SNX29: variants seen among roughly 807,000 people sequenced by gnomAD.
SNX29 encodes sorting nexin 29, also known as sorting nexin-29.
SNX29 carries 78 observed loss-of-function variants against 102.1 expected under a neutral mutation model. The ratio of observed to expected loss-of-function variants is 0.76; its 90% CI spans 0.64 to 0.92. The LOEUF (loss-of-function observed/expected upper bound fraction) is 0.92. Ranked by LOEUF, SNX29 falls within the 40% of genes least tolerant of loss-of-function variation. The pLI, the probability that SNX29 is intolerant of heterozygous loss-of-function variation, is 0.00. For synonymous variants in SNX29, 580 were observed against 414.5 expected (o/e 1.40, Z -4.85); for missense variants, 1,280 against 1,061.7 (o/e 1.21, Z -2.86).
At chr16:12,158,544 G>A (rs937964) in intron 13 of SNX29, among the ~76,000 whole-genome samples, 142,874 of 152,312 alleles carry the variant, frequency 0.94, 67,189 homozygotes, top group East Asian at 1. Flanking sequence ...TCCTGCTTGA[G>A]CATTCTCACA....
At chr16:12,413,348 A>T (rs1466124926) in intron 18 of SNX29, among the ~76,000 whole-genome samples, 1 of 152,050 alleles carries the variant, frequency 6.6e-6, no homozygotes, top group Non-Finnish European at 1.5e-5. Context: ...CTTCCTGGAA[A>T]TGAAAGTGCT....
At chr16:12,568,052 A>G (rs1028597817) in intron 20 of SNX29, among the ~76,000 whole-genome samples, 4 of 152,066 alleles carry the variant, frequency 2.6e-5, no homozygotes, top group Non-Finnish European at 5.9e-5. Flanking sequence ...GGGCCTGATT[A>G]TTTTCTTAGG....
Position 12,065,976 on chromosome 16 carries a change from G to A in SNX29, c.1244-3081G>A, listed in dbSNP as rs187322550. On this transcript the variant is annotated intron_variant, in intron 9 of 20. Coordinates refer to ENST00000566228, the MANE Select transcript of SNX29 (RefSeq NM_032167.5). ...TCTTGGGGGCCTTAAGGATGAGACG[G>A]TCTATGCTGTGTGCACCCCAGAGCG... Among the ~76,000 whole-genome samples the A allele has an allele frequency of 3.0e-4, 46 of 152,272 alleles. No individual in the cohort carries two copies. The East Asian group carries it at 8.7e-3, about 29-fold the overall frequency.
At chr16:12,486,300 T>A (rs1336396805) in intron 19 of SNX29, among the ~76,000 whole-genome samples, 1 of 152,178 alleles carries the variant, frequency 6.6e-6, no homozygotes, top group Non-Finnish European at 1.5e-5. Context: ...TGTCCCTGTG[T>A]CAGGGCCCTT....
rs566972088 is a variant in SNX29, at chr16:12,570,426, C to T, written c.*1797C>T. On this transcript the variant is annotated 3_prime_UTR_variant, in exon 21 of 21. Coordinates refer to ENST00000566228, the MANE Select transcript of SNX29 (RefSeq NM_032167.5). ...ACATCAGCTCACATGACTGGCAACT[C>T]TAAATAGAGAGCCCTAATGGACTGA... 8.0e-6 allele frequency: 2 copies of T among 251,474 alleles called. No homozygotes were observed. The highest frequency in any genetic ancestry group is 1.5e-5 in the Non-Finnish European group (2 of 134,992). The allele number at this position is 251,474 out of a possible 1,614,324, so 15.6% of individuals were successfully genotyped here. A position where few individuals can be genotyped will look rare whatever the true frequency, so the allele number is the denominator to read the frequency against.
intron 15 of SNX29, among the ~76,000 whole-genome samples, chr16:12,334,921 T>TTTTTA (rs56233203): frequency 1.3e-5 from 2 of 149,316 alleles, no homozygotes; most frequent in East Asian, 2.0e-4. Flanking sequence ...TTTTTTTTTT[T>TTTTTA]AAAAAGCAAC....
chr16:12,540,926 C>T (rs949550562), intron 20 of SNX29, among the ~76,000 whole-genome samples: 2 of 152,344 alleles, frequency 1.3e-5, no homozygotes, highest in East Asian at 1.9e-4. Context: ...CTGTTCACCC[C>T]CTGCCCACTT....
At chr16:11,994,794 A>G (rs994124349) in intron 1 of SNX29, among the ~76,000 whole-genome samples, 2 of 151,998 alleles carry the variant, frequency 1.3e-5, no homozygotes, top group Admixed American at 1.3e-4. Flanking sequence ...TCAAAGGGAG[A>G]AGGTAAGAAG....
rs2082543421 is a variant in SNX29, at chr16:12,367,889, C to T, written c.1899+11610C>T. ...ATATATCTCACATAGAGGCTTAACT[C>T]AGAAATATTAGCCTTTGACACAAAA... On this transcript the variant is annotated intron_variant, in intron 16 of 20. Coordinates refer to ENST00000566228, the MANE Select transcript of SNX29 (RefSeq NM_032167.5). Among the ~76,000 whole-genome samples, 6 of 152,338 alleles carry T rather than the reference C, an allele frequency of 3.9e-5. No homozygotes were observed. The South Asian group carries it at 1.2e-3, about 32-fold the overall frequency.
At chr16:12,555,842 C>G (rs113498524) in intron 20 of SNX29, among the ~76,000 whole-genome samples, 2,507 of 152,308 alleles carry the variant, frequency 0.016, 34 homozygotes, top group Non-Finnish European at 0.024. Context: ...TGACCAACCC[C>G]CCTCACCACC....
intron 10 of SNX29, among the ~76,000 whole-genome samples, chr16:12,077,884 G>A (rs1211784268): frequency 6.6e-6 from 1 of 152,074 alleles, no homozygotes; most frequent in East Asian, 1.9e-4. Context: ...GCCTCCCAAA[G>A]TATTGCGATT....
chr16:12,054,178 G>A (rs1277764039), intron 8 of SNX29, among the ~76,000 whole-genome samples: 1 of 152,164 alleles, frequency 6.6e-6, no homozygotes, highest in African/African-American at 2.4e-5. Flanking sequence ...CTGTTAGCCG[G>A]GATGGTCTCA....
chr16:12,558,914 C>G (rs938094794), intron 20 of SNX29, among the ~76,000 whole-genome samples: 1 of 152,190 alleles, frequency 6.6e-6, no homozygotes, highest in Non-Finnish European at 1.5e-5. Flanking sequence ...AAAGCATTGT[C>G]TTGTTTAATC....
At chr16:12,284,328 T>C (rs2079526733) in intron 15 of SNX29, among the ~76,000 whole-genome samples, 1 of 152,238 alleles carries the variant, frequency 6.6e-6, no homozygotes, top group South Asian at 2.1e-4. Flanking sequence ...ATGCAGCCAG[T>C]CATACCTGTG....
intron 19 of SNX29, among the ~76,000 whole-genome samples, chr16:12,487,538 C>A (rs1024218389): frequency 6.6e-6 from 1 of 152,206 alleles, no homozygotes; most frequent in Admixed American, 6.5e-5. Flanking sequence ...GAGCCGAACT[C>A]TGCAAATGCC....
intron 19 of SNX29, among the ~76,000 whole-genome samples, chr16:12,481,786 C>T (rs531563296): frequency 4.4e-4 from 67 of 152,320 alleles, no homozygotes; most frequent in African/African-American, 1.5e-3. Context: ...CCTCCCACCT[C>T]GGCCTCACAA....
chr16:12,151,182 TAC>T (rs1176564236), intron 13 of SNX29, among the ~76,000 whole-genome samples: 3 of 152,216 alleles, frequency 2.0e-5, no homozygotes, highest in Admixed American at 6.5e-5. Flanking sequence ...CTGAGCCTGT[TAC>T]ACTCTCTGCT....
intron 15 of SNX29, among the ~76,000 whole-genome samples, chr16:12,318,615 G>C (rs1332039134): frequency 2.0e-5 from 3 of 152,176 alleles, no homozygotes; most frequent in African/African-American, 7.2e-5. Context: ...GCTTATGCCT[G>C]TAATCCTGTT....
At chr16:12,267,423 A>G (rs2078960925) in intron 14 of SNX29, among the ~76,000 whole-genome samples, 1 of 152,178 alleles carries the variant, frequency 6.6e-6, no homozygotes. Context: ...CTCAGCTCTG[A>G]AATAGAGATT....
Sources: allele counts gnomAD v4.1 joint callset (sites outside exome capture counted in the v4.1 genomes callset), GRCh38; gene constraint gnomAD v4.1.1; transcripts MANE v1.5; gene names NCBI Gene and HGNC (gene_info 2026-07-23, HGNC 2026-07-21).